The following RIPOR2 variants were observed in gnomAD, a reference collection of about 807,000 sequenced individuals.
RIPOR2 encodes rho family-interacting cell polarization regulator 2.
Under a neutral mutation model 114.5 loss-of-function variants are expected in RIPOR2, and 39 were observed. The observed-to-expected ratio is 0.34, with a 90% CI of 0.26 to 0.44. The LOEUF (loss-of-function observed/expected upper bound fraction) is 0.44. RIPOR2 is among the 20% of genes least tolerant of loss of function. The pLI is 1.00. For synonymous variants in RIPOR2, 445 were observed against 484.4 expected (o/e 0.92, Z 1.07); for missense variants, 1,007 against 1,255.1 (o/e 0.80, Z 2.99).
At chr6:24,894,388 G>A (rs990399871) in intron 1 of RIPOR2, among the ~76,000 whole-genome samples, 9 of 152,312 alleles carry the variant, frequency 5.9e-5, no homozygotes, top group Middle Eastern at 3.4e-3. Context: ...GTTCCAACAA[G>A]ATTGTTAGCA....
chr6:24,979,047 T>C (rs1581905388), intron 1 of RIPOR2, among the ~76,000 whole-genome samples: 1 of 152,344 alleles, frequency 6.6e-6, no homozygotes, highest in East Asian at 1.9e-4. Flanking sequence ...CTCTATTTCA[T>C]GAACTACTTC....
At chr6:24,840,901 G>C (rs1761645075) in intron 13 of RIPOR2, 2 of 867,376 alleles carry the variant, frequency 2.3e-6, no homozygotes, top group East Asian at 5.3e-5. Context: ...GCAGTCTCAG[G>C]GGGAGACAGG....
At chr6:24,918,021 C>T (rs553045409) in intron 1 of RIPOR2, among the ~76,000 whole-genome samples, 3 of 152,318 alleles carry the variant, frequency 2.0e-5, no homozygotes, top group Non-Finnish European at 4.4e-5. Flanking sequence ...CCCTTTCTGT[C>T]CATCTCCATC....
chr6:24,855,023 CAAAAAAA>C (rs71310727), intron 8 of RIPOR2, among the ~76,000 whole-genome samples: 1 of 54,532 alleles, frequency 1.8e-5, no homozygotes, highest in Non-Finnish European at 3.6e-5. Flanking sequence ...AACTCCGTCT[CAAAAAAA>C]AAAAAAAAAA....
At chr6:24,873,527 A>G in intron 3 of RIPOR2, 117 bp downstream of exon 3, 1 of 900,292 alleles carries the variant, frequency 1.1e-6, no homozygotes, top group South Asian at 1.5e-5. Flanking sequence ...TAATTGTGGT[A>G]CAAGAATAAA....
intron 1 of RIPOR2, among the ~76,000 whole-genome samples, chr6:24,892,051 G>T (rs901706094): frequency 6.6e-6 from 1 of 152,052 alleles, no homozygotes; most frequent in South Asian, 2.1e-4. Flanking sequence ...TAGAGACAGG[G>T]TTTCACTATG....
chr6:24,935,888 A>G lies in RIPOR2; in HGVS notation c.11T>C (p.Phe4Ser), dbSNP rs1196410689. 2.0e-6 allele frequency: 3 copies of G among 1,535,316 alleles called. No individual in the cohort carries two copies. Among genetic ancestry groups the G allele is most frequent in the Admixed American group, 3.9e-5 (2 of 50,968 alleles). Residue 4 changes from phenylalanine (F) to serine (S), a missense_variant, in exon 1 of 22, where the codon TTT becomes TCT. Physicochemically the swap from Phe to Ser is radical, Grantham distance 155 (BLOSUM62 -2). Transcript: ENST00000643898. The stretch of plus-strand genomic sequence containing the variant: ...ATCGACCAGGAGCTCCTCAGCATCA[A>G]AAAACTGCATCTTGGAGAGGACAGG... MQF[F>S]DAEELLVDEE...
chr6:24,950,219 G>T (rs757462445), intron 1 of RIPOR2, among the ~76,000 whole-genome samples: 1 of 152,130 alleles, frequency 6.6e-6, no homozygotes, highest in African/African-American at 2.4e-5. Context: ...AAGTAATATG[G>T]TATTGCTGAT....
At chr6:24,817,924 T>G (rs1042919653) in intron 20 of RIPOR2, among the ~76,000 whole-genome samples, 10 of 151,618 alleles carry the variant, frequency 6.6e-5, no homozygotes, top group African/African-American at 2.4e-4. Context: ...GAAATCACCA[T>G]ACATCTCATC....
intron 1 of RIPOR2, among the ~76,000 whole-genome samples, chr6:24,963,345 C>T (rs1773390063): frequency 6.6e-6 from 1 of 152,134 alleles, no homozygotes; most frequent in Non-Finnish European, 1.5e-5. Context: ...ATGTGTTTAC[C>T]CCACTTTTTG....
intron 19 of RIPOR2, among the ~76,000 whole-genome samples, chr6:24,819,859 C>T (rs777133947): frequency 1.4e-4 from 21 of 151,692 alleles, no homozygotes; most frequent in Non-Finnish European, 4.4e-5. Flanking sequence ...ATGTGTAGTA[C>T]TTAACATTAA....
intron 1 of RIPOR2, chr6:24,976,629 T>C (rs1581901548): frequency 6.2e-7 from 1 of 1,609,706 alleles, no homozygotes; most frequent in East Asian, 2.2e-5. Flanking sequence ...GATTTGGTTA[T>C]AAGGGTTCCT....
At chr6:25,033,747 G>T (rs724651) in intron 1 of RIPOR2, among the ~76,000 whole-genome samples, 22 of 152,060 alleles carry the variant, frequency 1.4e-4, no homozygotes, top group Non-Finnish European at 2.4e-4. Context: ...ACATCCTGTA[G>T]GTACTTGTTT....
Position 24,805,777 on chromosome 6 carries a change from T to G in RIPOR2, c.*596A>C, listed in dbSNP as rs556001925. 6.6e-6 allele frequency: 1 copy of G among 152,214 alleles called. No homozygotes were observed. The highest frequency in any genetic ancestry group is 6.5e-5 in the Admixed American group (1 of 15,278). The allele number at this position is 152,214 out of a possible 1,614,324, so 9.4% of individuals were successfully genotyped here. Reference sequence around the variant, plus strand: ...GTACAAAGATGGCTATTTTTAAATTTCATACATATTAAGATAAGATGGACT... The same window carrying G: ...GTACAAAGATGGCTATTTTTAAATTGCATACATATTAAGATAAGATGGACT... On this transcript the variant is annotated 3_prime_UTR_variant, in exon 22 of 22. Coordinates refer to ENST00000643898, the MANE Select transcript of RIPOR2 (RefSeq NM_001286445.3).
intron 1 of RIPOR2, among the ~76,000 whole-genome samples, chr6:25,012,339 G>A (rs1032373951): frequency 6.6e-6 from 1 of 152,126 alleles, no homozygotes; most frequent in Non-Finnish European, 1.5e-5. Context: ...AGTTAAATAT[G>A]GAATTACCAT....
At chr6:25,018,026 C>T (rs538704137) in intron 1 of RIPOR2, among the ~76,000 whole-genome samples, 45 of 152,292 alleles carry the variant, frequency 3.0e-4, no homozygotes, top group African/African-American at 9.9e-4. Context: ...CAAGCAATTT[C>T]GTAATATCAC....
intron 1 of RIPOR2, among the ~76,000 whole-genome samples, chr6:24,898,033 A>AGAAGGAAG (rs374743789): frequency 6.6e-6 from 1 of 151,680 alleles, no homozygotes; most frequent in Non-Finnish European, 1.5e-5. Context: ...AAAGAAAGAA[A>AGAAGGAAG]GAAGGAAGGA....
At chr6:25,005,424 C>A (rs1056389968) in intron 1 of RIPOR2, among the ~76,000 whole-genome samples, 4 of 151,982 alleles carry the variant, frequency 2.6e-5, no homozygotes, top group Non-Finnish European at 4.4e-5. Flanking sequence ...AGCATCTATA[C>A]AACAATGATA....
At chr6:25,024,395 ATAGCCT>A (rs1776500645) in intron 1 of RIPOR2, 1 of 1,227,202 alleles carries the variant, frequency 8.1e-7, no homozygotes, top group East Asian at 2.4e-5. Flanking sequence ...CAATGACATC[ATAGCCT>A]TGTTCCTTCA....
Sources: allele counts gnomAD v4.1 joint callset (sites outside exome capture counted in the v4.1 genomes callset), GRCh38; gene constraint gnomAD v4.1.1; transcripts MANE v1.5; gene names NCBI Gene and HGNC (gene_info 2026-07-23, HGNC 2026-07-21).